Variants in LCORL observed in about 807,000 individuals in gnomAD.
LCORL encodes the protein ligand-dependent nuclear receptor corepressor-like protein.
Under a neutral mutation model 141.8 loss-of-function variants are expected in LCORL, and 41 were observed. The ratio of observed to expected loss-of-function variants is 0.29; its 90% CI spans 0.23 to 0.38. The LOEUF (loss-of-function observed/expected upper bound fraction) is 0.38. Among genes scored for constraint, LCORL ranks in the 10% least tolerant of loss-of-function variants. LCORL has a pLI of 1.00. For synonymous variants in LCORL, 618 were observed against 694.1 expected, an observed-to-expected ratio of 0.89 and a Z score of 1.72; for missense variants, 1,759 against 2,035.0, an observed-to-expected ratio of 0.86 and a Z score of 2.61.
intron 4 of LCORL, among the ~76,000 whole-genome samples, chr4:17,915,466 T>C (rs1733247296): frequency 6.6e-6 from 1 of 152,188 alleles, no homozygotes; most frequent in African/African-American, 2.4e-5. Context: ...ATAAATAATA[T>C]AGATTTTGGT....
At chr4:17,956,948 T>C in intron 4 of LCORL, among the ~76,000 whole-genome samples, 1 of 152,000 alleles carries the variant, frequency 6.6e-6, no homozygotes, top group East Asian at 1.9e-4. Flanking sequence ...AAATAAATAT[T>C]GGAATGAGAG....
Position 17,916,175 on chromosome 4 carries a change from G to A in LCORL, c.431-6830C>T, listed in dbSNP as rs548733890. Among the ~76,000 whole-genome samples the A allele has an allele frequency of 2.6e-5, 4 of 152,172 alleles. No homozygotes were observed. In the East Asian group the frequency reaches 7.7e-4, roughly 29 times the overall value. ...CGTCCTTGACCCTTCCCTAATTTTT[G>A]TTTTCTTACACACTGTTACGTTTCT... On this transcript the variant is annotated intron_variant, in intron 4 of 7. Transcript: ENST00000635767.
At chr4:17,921,875 C>A (rs988688100) in intron 4 of LCORL, among the ~76,000 whole-genome samples, 1 of 152,184 alleles carries the variant, frequency 6.6e-6, no homozygotes, top group African/African-American at 2.4e-5. Flanking sequence ...GTCTTCTGGC[C>A]TCCATCCTTC....
At chr4:17,928,601 T>C (rs1034478199) in intron 4 of LCORL, among the ~76,000 whole-genome samples, 8 of 151,996 alleles carry the variant, frequency 5.3e-5, no homozygotes, top group African/African-American at 1.9e-4. Context: ...TCATTAAGGG[T>C]ATCTGTAAAA....
Position 17,888,445 on chromosome 4 carries a change from T to C in LCORL, c.683-2284A>G, listed in dbSNP as rs545521684. Among the ~76,000 whole-genome samples the C allele has an allele frequency of 1.2e-4, 18 of 152,238 alleles. No homozygotes were observed. The South Asian group carries it at 3.5e-3, about 30-fold the overall frequency. On this transcript the variant is annotated intron_variant, in intron 5 of 7. Transcript: ENST00000635767. ...GAATTCCCTCAAACGTGCTATGCAG[T>C]GTTATGCCTCTCAAACTGCAGTACA...
intron 6 of LCORL, chr4:17,881,344 A>C: frequency 1.0e-6 from 1 of 981,906 alleles, no homozygotes; most frequent in Middle Eastern, 5.2e-4. Flanking sequence ...ATCTTAATAG[A>C]ATCACTGGGG....
chr4:17,965,335 C>T (rs1325802911), intron 2 of LCORL, among the ~76,000 whole-genome samples: 1 of 151,932 alleles, frequency 6.6e-6, no homozygotes, highest in Admixed American at 6.6e-5. Context: ...AACTCTAGGC[C>T]AGATTTTCAC....
At chr4:17,882,520 T>C (rs1338258762) in intron 6 of LCORL, 3 of 984,724 alleles carry the variant, frequency 3.0e-6, no homozygotes, top group East Asian at 1.1e-4. Context: ...GCCCAGCTTC[T>C]AACTACCCAA....
Position 17,874,628 on chromosome 4 carries a change from AC to A in LCORL, c.4361del (p.Ser1454MetfsTer23). ...GAATACAATTTTCAGCTTCATCTCC[AC>A]TTACTTGCACCCAAGCATTTGTTAT... On this transcript the variant is annotated frameshift_variant, in exon 7 of 8. Coordinates refer to ENST00000635767, the Ensembl canonical transcript of LCORL. LOFTEE classifies it high-confidence loss of function. 8.1e-7 allele frequency: 1 copy of A among 1,233,636 alleles called. No individual in the cohort carries two copies. The highest frequency in any genetic ancestry group is 1.0e-6 in the Non-Finnish European group (1 of 987,754). 76.4% of individuals were successfully genotyped at this position (1,233,636 alleles called of 1,614,324 possible).
intron 4 of LCORL, among the ~76,000 whole-genome samples, chr4:17,929,356 T>G (rs536089549): frequency 4.9e-4 from 74 of 152,282 alleles, no homozygotes; most frequent in African/African-American, 1.8e-3. Flanking sequence ...ATCGGAGGAT[T>G]AGCATTTCCT....
At chr4:17,848,919 C>T (rs1162854011) in intron 7 of LCORL, among the ~76,000 whole-genome samples, 4 of 152,228 alleles carry the variant, frequency 2.6e-5, no homozygotes, top group Non-Finnish European at 5.9e-5. Flanking sequence ...CACAGAGTCT[C>T]GCTGATTGCT....
intron 1 of LCORL, among the ~76,000 whole-genome samples, chr4:17,986,517 C>T (rs549510796): frequency 3.9e-5 from 6 of 152,240 alleles, no homozygotes; most frequent in South Asian, 4.1e-4. Context: ...CTTCAAGTTC[C>T]AAGATTACTT....
intron 1 of LCORL, among the ~76,000 whole-genome samples, chr4:17,983,921 T>C (rs1405686788): frequency 6.6e-6 from 1 of 152,156 alleles, no homozygotes; most frequent in Non-Finnish European, 1.5e-5. Flanking sequence ...ATGTGGCTCT[T>C]ATTATTTTGA....
chr4:17,929,877 C>T (rs1242919529), intron 4 of LCORL, among the ~76,000 whole-genome samples: 1 of 152,130 alleles, frequency 6.6e-6, no homozygotes, highest in East Asian at 1.9e-4. Context: ...GGTCCAATAT[C>T]CACCATACAT....
At chr4:17,952,705 GC>G (rs941809114) in intron 4 of LCORL, among the ~76,000 whole-genome samples, 6 of 152,098 alleles carry the variant, frequency 3.9e-5, no homozygotes, top group African/African-American at 1.4e-4. Context: ...GTGAGCCACC[GC>G]CCCCGGCCAA....
chr4:17,866,885 G>T, intron 7 of LCORL: 6 of 482,282 alleles, frequency 1.2e-5, no homozygotes, highest in Non-Finnish European at 1.6e-5. Context: ...AGGAGAAAGA[G>T]AACATTTAGA....
At chr4:17,855,956 G>C (rs1724316222) in intron 7 of LCORL, among the ~76,000 whole-genome samples, 1 of 152,068 alleles carries the variant, frequency 6.6e-6, no homozygotes, top group Non-Finnish European at 1.5e-5. Flanking sequence ...AAAGTACAAG[G>C]TCTCTCATTC....
chr4:18,019,336 C>G (rs576703961), intron 1 of LCORL, among the ~76,000 whole-genome samples: 22 of 152,224 alleles, frequency 1.4e-4, no homozygotes, highest in African/African-American at 4.1e-4. Flanking sequence ...GACTCCATCT[C>G]AATAAATAAA....
At chr4:17,972,327 C>T (rs977046739) in intron 2 of LCORL, among the ~76,000 whole-genome samples, 1 of 151,756 alleles carries the variant, frequency 6.6e-6, no homozygotes, top group African/African-American at 2.4e-5. Context: ...TTCACTTAGC[C>T]ATTGTTTCTT....
Sources: gnomAD v4.1 joint callset for allele counts (sites outside exome capture counted in the v4.1 genomes callset) on GRCh38, gnomAD v4.1.1 for gene constraint, MANE v1.5 for transcripts, NCBI Gene and HGNC (gene_info 2026-07-23, HGNC 2026-07-21) for gene names.